Variants in MEF2A observed in about 807,000 individuals in gnomAD.
MEF2A encodes myocyte enhancer factor 2A, also known as myocyte-specific enhancer factor 2A.
Under a neutral mutation model 55.8 loss-of-function variants are expected in MEF2A, and 28 were observed. The observed-to-expected ratio is 0.50, with a 90% confidence interval of 0.37 to 0.69. The LOEUF (loss-of-function observed/expected upper bound fraction) is 0.69, where lower values mean the gene tolerates loss of function less well. Ranked by LOEUF, MEF2A falls within the 30% of genes least tolerant of loss-of-function variation. MEF2A has a pLI of 0.00. For synonymous variants in MEF2A, 239 were observed against 227.1 expected, an observed-to-expected ratio of 1.05 and a Z score of -0.47; for missense variants, 528 against 626.2, an observed-to-expected ratio of 0.84 and a Z score of 1.67.
chr15:99,638,063 T>C (rs957522454), intron 3 of MEF2A, among the ~76,000 whole-genome samples: 2 of 152,258 alleles, frequency 1.3e-5, no homozygotes, highest in Non-Finnish European at 2.9e-5. Flanking sequence ...GACATTTGTA[T>C]ATCTTCCTTG....
At chr15:99,657,408 G>T (rs1567344563) in intron 4 of MEF2A, 1 of 151,644 alleles carries the variant, frequency 6.6e-6, no homozygotes, top group East Asian at 1.9e-4. Flanking sequence ...ATATTGTTGG[G>T]CTAGGTTATC....
intron 8 of MEF2A, among the ~76,000 whole-genome samples, chr15:99,697,107 T>C (rs929712291): frequency 6.6e-6 from 1 of 151,980 alleles, no homozygotes; most frequent in Non-Finnish European, 1.5e-5. Context: ...ATAAAGAGCA[T>C]CTACAAAAAA....
At chr15:99,578,232 T>C (rs1964908930) in intron 1 of MEF2A, among the ~76,000 whole-genome samples, 1 of 152,244 alleles carries the variant, frequency 6.6e-6, no homozygotes, top group Admixed American at 6.5e-5. Flanking sequence ...AATTCTTCAG[T>C]GAAGAAGTGT....
intron 4 of MEF2A, among the ~76,000 whole-genome samples, chr15:99,651,485 G>A (rs1173287845): frequency 1.3e-5 from 2 of 152,118 alleles, no homozygotes; most frequent in Non-Finnish European, 2.9e-5. Flanking sequence ...GGAGCATCAG[G>A]GAAAGGGAAA....
chr15:99,577,404 T>TGCGGAATACCGGTGA (rs148702516), intron 1 of MEF2A, among the ~76,000 whole-genome samples: 2 of 151,970 alleles, frequency 1.3e-5, no homozygotes, highest in African/African-American at 4.8e-5. Context: ...GGCTAGGTGC[T>TGCGGAATACCGGTGA]GCAAGGCTTG....
At chr15:99,687,676 A>G (rs1048824044) in intron 7 of MEF2A, among the ~76,000 whole-genome samples, 26 of 152,194 alleles carry the variant, frequency 1.7e-4, no homozygotes, top group Admixed American at 1.6e-3. Flanking sequence ...AATTAAGCTG[A>G]TAGATTTGTT....
intron 2 of MEF2A, among the ~76,000 whole-genome samples, chr15:99,623,005 G>A (rs1055486664): frequency 6.6e-6 from 1 of 152,002 alleles, no homozygotes; most frequent in African/African-American, 2.4e-5. Context: ...CGGCCCGGAT[G>A]TTTTCATCTT....
rs2153479402 is a variant in MEF2A, at chr15:99,645,576, A to G, written c.70A>G (p.Arg24Gly). The change falls in exon 4 of 12, where the codon AGA becomes GGA. Residue 24 changes from arginine to glycine, a missense_variant. Arg to Gly is a moderately radical substitution (Grantham distance 125). Transcript: ENST00000557942. ...TATTGTTTAGGTCACTTTTACAAAG[A>G]GAAAGTTTGGATTAATGAAGAAAGC... ...ERNRQVTFTKRKFGLMKKAYE... is the reference protein window; with the variant it reads ...ERNRQVTFTKGKFGLMKKAYE... 1 of 1,612,584 alleles carries G rather than the reference A, an allele frequency of 6.2e-7. No homozygotes were observed. The highest frequency in any genetic ancestry group is 8.5e-7 in the Non-Finnish European group (1 of 1,179,196).
intron 2 of MEF2A, among the ~76,000 whole-genome samples, chr15:99,627,748 G>T (rs1054091754): frequency 2.6e-5 from 4 of 152,164 alleles, no homozygotes; most frequent in Non-Finnish European, 4.4e-5. Flanking sequence ...TGTCTTCCAT[G>T]TGTGTTTGTG....
intron 9 of MEF2A, among the ~76,000 whole-genome samples, chr15:99,704,968 T>G (rs1199922981): frequency 6.6e-6 from 1 of 152,212 alleles, no homozygotes; most frequent in East Asian, 1.9e-4. Context: ...AATACATACC[T>G]AAAAACTTAT....
At position 99,712,572 on chromosome 15, in the gene MEF2A, C is replaced by T. The variant is rs527482416; in HGVS notation, c.1319C>T (p.Pro440Leu). The T allele has an allele frequency of 1.7e-4, 268 of 1,551,532 alleles. No homozygotes were observed. In the African/African-American group the frequency reaches 2.2e-3, roughly 13 times the overall value. ...PPPPQPQPQPPQPQPRQEMGR... is the reference protein window; with the variant it reads ...PPPPQPQPQPLQPQPRQEMGR... ...CCACCGCAGCCCCAGCCACAACCCC[C>T]GCAGCCCCAGCCCCGACAGGAAATG... Residue 440 changes from proline to leucine, a missense_variant, in exon 12 of 12, where the codon CCG (proline) becomes CTG (leucine). Pro to Leu is a moderately conservative substitution (Grantham distance 98). Coordinates refer to ENST00000557942, the MANE Select transcript of MEF2A (RefSeq NM_001319206.4). This position sits in a 1 kb window ranked among gnomAD's most constrained non-coding sequence, Gnocchi z 4.1.
At chr15:99,586,292 A>T (rs1227636532) in intron 1 of MEF2A, among the ~76,000 whole-genome samples, 1 of 152,180 alleles carries the variant, frequency 6.6e-6, no homozygotes, top group Non-Finnish European at 1.5e-5. Context: ...TTACAGTCCC[A>T]TCAGTAGTAA....
chr15:99,654,951 G>A (rs1041258274), intron 4 of MEF2A, among the ~76,000 whole-genome samples: 1 of 152,124 alleles, frequency 6.6e-6, no homozygotes, highest in African/African-American at 2.4e-5. Flanking sequence ...AAGTATCAGA[G>A]ATCAGTTGTG....
chr15:99,664,835 T>A lies in MEF2A; in HGVS notation c.259-6488T>A, dbSNP rs2049301768. Among the ~76,000 whole-genome samples, 3 of 152,326 alleles carry A rather than the reference T, an allele frequency of 2.0e-5. 1 individual carries two copies. In the South Asian group the frequency reaches 6.2e-4, roughly 32 times the overall value. On this transcript the variant is annotated intron_variant, in intron 4 of 11. Coordinates refer to ENST00000557942, the MANE Select transcript of MEF2A (RefSeq NM_001319206.4). ...CAGTTGGGATTATAAATCTTCCAAG[T>A]TGCAGATTAGATTTGGATGAAGGCA...
chr15:99,571,276 A>C (rs1962174124), intron 1 of MEF2A, among the ~76,000 whole-genome samples: 1 of 151,976 alleles, frequency 6.6e-6, no homozygotes, highest in Non-Finnish European at 1.5e-5. Flanking sequence ...AGTTACTTGC[A>C]CTTTGTGTTC....
intron 2 of MEF2A, among the ~76,000 whole-genome samples, chr15:99,605,197 T>C (rs1428599688): frequency 6.6e-6 from 1 of 152,152 alleles, no homozygotes; most frequent in African/African-American, 2.4e-5. Flanking sequence ...ATCTGGCTGC[T>C]TCAGTCTCCC....
At chr15:99,574,209 C>G (rs1299712946) in intron 1 of MEF2A, among the ~76,000 whole-genome samples, 1 of 152,082 alleles carries the variant, frequency 6.6e-6, no homozygotes, top group Non-Finnish European at 1.5e-5. Context: ...AGAGTGGGTA[C>G]AAAGTCTGGA....
intron 5 of MEF2A, among the ~76,000 whole-genome samples, chr15:99,673,680 G>A (rs966074285): frequency 6.6e-6 from 1 of 152,092 alleles, no homozygotes. Flanking sequence ...GGAATAATTT[G>A]GAGGGAGGGA....
chr15:99,698,669 G>A (rs997505191), intron 8 of MEF2A, among the ~76,000 whole-genome samples: 1 of 151,976 alleles, frequency 6.6e-6, no homozygotes, highest in Non-Finnish European at 1.5e-5. Flanking sequence ...GCGCATGCCT[G>A]TAATCCCAGC....
Sources: gnomAD v4.1 joint callset for allele counts (sites outside exome capture counted in the v4.1 genomes callset) on GRCh38, gnomAD v4.1.1 for gene constraint, Gnocchi (gnomAD v3.1) non-coding constraint, MANE v1.5 for transcripts, NCBI Gene and HGNC (gene_info 2026-07-23, HGNC 2026-07-21) for gene names.